The following GRIK4 variants were observed in gnomAD, a reference collection of about 807,000 sequenced individuals.
GRIK4 encodes glutamate ionotropic receptor kainate type subunit 4.
GRIK4 carries 40 observed loss-of-function variants against 104.9 expected under a neutral mutation model. That is an observed-to-expected ratio of 0.38 (90% CI 0.30 to 0.50). The LOEUF (loss-of-function observed/expected upper bound fraction) is 0.50. Ranked by LOEUF, GRIK4 falls within the 20% of genes least tolerant of loss-of-function variation. The probability of loss-of-function intolerance (pLI) is 0.93; values close to 1 mark genes in which losing one functional copy is unlikely to be tolerated. For missense variants in GRIK4, 1,047 were observed against 1,308.1 expected, an observed-to-expected ratio of 0.80 and a Z score of 3.08; for synonymous variants, 485 against 524.9, an observed-to-expected ratio of 0.92 and a Z score of 1.04.
At chr11:120,866,688 G>T (rs180778537) in intron 9 of GRIK4, among the ~76,000 whole-genome samples, 113 of 152,300 alleles carry the variant, frequency 7.4e-4, no homozygotes, top group Non-Finnish European at 4.0e-4. Flanking sequence ...CTGTCTCAGG[G>T]AACCATGCGA....
intron 13 of GRIK4, among the ~76,000 whole-genome samples, chr11:120,915,835 G>A (rs1435219253): frequency 6.6e-6 from 1 of 152,198 alleles, no homozygotes; most frequent in Middle Eastern, 3.2e-3. Flanking sequence ...CATGAGACAG[G>A]AATTATTACT....
intron 1 of GRIK4, among the ~76,000 whole-genome samples, chr11:120,635,797 A>G (rs571020128): frequency 6.6e-6 from 1 of 152,332 alleles, no homozygotes; most frequent in East Asian, 1.9e-4. Flanking sequence ...AAACATTTTC[A>G]CAAAATTATA....
intron 3 of GRIK4, among the ~76,000 whole-genome samples, chr11:120,729,758 T>A (rs533817001): frequency 1.3e-5 from 2 of 152,314 alleles, no homozygotes; most frequent in East Asian, 3.9e-4. Flanking sequence ...AGAAGTTTTT[T>A]AATTTGATGT....
intron 16 of GRIK4, among the ~76,000 whole-genome samples, chr11:120,959,383 A>G (rs1413514730): frequency 6.6e-6 from 1 of 152,208 alleles, no homozygotes; most frequent in Non-Finnish European, 1.5e-5. Context: ...CACAATGGCA[A>G]AAGGGGCAAT....
chr11:120,801,905 G>A (rs796577159), intron 3 of GRIK4, among the ~76,000 whole-genome samples: 8 of 152,290 alleles, frequency 5.3e-5, no homozygotes, highest in African/African-American at 1.9e-4. Flanking sequence ...AGCTGTGGAG[G>A]GCTGCAGCTG....
intron 1 of GRIK4, among the ~76,000 whole-genome samples, chr11:120,561,539 C>T (rs983005983): frequency 1.3e-5 from 2 of 152,226 alleles, no homozygotes; most frequent in East Asian, 1.9e-4. Flanking sequence ...CCCCAGAGTT[C>T]CCTGCAGGCA....
Position 120,733,611 on chromosome 11 carries a change from A to G in GRIK4, c.83-69082A>G, listed in dbSNP as rs1246113547. 2.7e-5 allele frequency among the ~76,000 whole-genome samples: 4 copies of G among 148,368 alleles called. No homozygotes were observed. In the East Asian group the frequency reaches 7.9e-4, roughly 29 times the overall value. ...ACAAGCAAGAAGAAAACTAACAAAA[A>G]CTCTACATGTTAACTTTGACCCCCT... On this transcript the variant is annotated intron_variant, in intron 3 of 20. Transcript: ENST00000527524.
intron 3 of GRIK4, among the ~76,000 whole-genome samples, chr11:120,766,228 T>G (rs1485838306): frequency 6.6e-6 from 1 of 152,158 alleles, no homozygotes; most frequent in Non-Finnish European, 1.5e-5. Context: ...CAGTCCAAAT[T>G]TCCCAGCGGC....
chr11:120,651,143 A>T (rs746084253), intron 1 of GRIK4, among the ~76,000 whole-genome samples: 1 of 152,136 alleles, frequency 6.6e-6, no homozygotes, highest in Non-Finnish European at 1.5e-5. Context: ...AGGCCATCCT[A>T]TTGGGGAAAG....
intron 13 of GRIK4, among the ~76,000 whole-genome samples, chr11:120,918,744 A>C (rs1943165427): frequency 6.6e-6 from 1 of 152,204 alleles, no homozygotes; most frequent in South Asian, 2.1e-4. Context: ...CATGTGATAT[A>C]TACAAAAGGG....
intron 1 of GRIK4, among the ~76,000 whole-genome samples, chr11:120,512,421 A>C (rs1591665807): frequency 1.6e-5 from 2 of 121,598 alleles, no homozygotes; most frequent in Non-Finnish European, 3.5e-5. Context: ...CCCTTTCCTC[A>C]CTGCCATCTG....
At chr11:120,539,122 C>T (rs1232183573) in intron 1 of GRIK4, among the ~76,000 whole-genome samples, 1 of 152,174 alleles carries the variant, frequency 6.6e-6, no homozygotes, top group Non-Finnish European at 1.5e-5. Flanking sequence ...GCACAGGGAA[C>T]ACTCTATTAG....
At chr11:120,973,202 C>T (rs929395937) in intron 19 of GRIK4, among the ~76,000 whole-genome samples, 11 of 152,108 alleles carry the variant, frequency 7.2e-5, no homozygotes, top group Non-Finnish European at 1.3e-4. Context: ...AGTTGTTGGC[C>T]TTGGAAACAG....
At chr11:120,862,495 A>G (rs1380566463) in intron 9 of GRIK4, among the ~76,000 whole-genome samples, 1 of 152,320 alleles carries the variant, frequency 6.6e-6, no homozygotes, top group East Asian at 1.9e-4. Context: ...ACTAAAGCCC[A>G]GACTGGAATG....
intron 8 of GRIK4, among the ~76,000 whole-genome samples, chr11:120,859,780 A>G (rs1954212518): frequency 6.6e-6 from 1 of 152,264 alleles, no homozygotes. Context: ...GTAGGAATCA[A>G]TACATTCTCT....
chr11:120,815,940 A>G (rs556929500), intron 5 of GRIK4, among the ~76,000 whole-genome samples: 1 of 152,280 alleles, frequency 6.6e-6, no homozygotes, highest in Non-Finnish European at 1.5e-5. Context: ...AAAGTTTGAA[A>G]GCCTCTGTCA....
rs1298178644 is a variant in GRIK4 at position 120,875,346 on chromosome 11, AGCAGCAG to A, written c.1164+106_1164+112del. 3.3e-5 allele frequency: 25 copies of A among 757,600 alleles called. No individual in the cohort carries two copies. The African/African-American group carries it at 3.7e-4, about 11-fold the overall frequency. 46.9% of individuals were successfully genotyped at this position (757,600 alleles called of 1,614,324 possible). The stretch of plus-strand genomic sequence containing the variant: ...CCTCCTGCTCCCAGTTATCCCCAAC[AGCAGCAG>A]GCTGGATCCTGGGCAAGGCTCCTGA... On this transcript the variant is annotated intron_variant, in intron 11 of 20. Transcript: ENST00000527524.
chr11:120,819,470 C>CT lies in GRIK4; in HGVS notation c.346-284dup, dbSNP rs1252028916. 1.3e-5 allele frequency among the ~76,000 whole-genome samples: 2 copies of CT among 152,254 alleles called. No individual in the cohort carries two copies. The highest frequency in any genetic ancestry group is 2.9e-5 in the Non-Finnish European group (2 of 68,048). On this transcript the variant is annotated intron_variant, in intron 5 of 20. Coordinates refer to ENST00000527524, the MANE Select transcript of GRIK4 (RefSeq NM_014619.5). This position sits in a 1 kb window ranked among gnomAD's most constrained non-coding sequence, Gnocchi z 4.3. ...GAATAAAGATAGATTCTTTTGCCTT[C>CT]TCAGGACCACAGACCCCAGCTTGCA...
At chr11:120,517,889 A>G (rs1240911311) in intron 1 of GRIK4, among the ~76,000 whole-genome samples, 3 of 152,172 alleles carry the variant, frequency 2.0e-5, no homozygotes, top group Non-Finnish European at 4.4e-5. Context: ...GGAGGATTTA[A>G]TAGAATGAGA....
Sources: allele counts gnomAD v4.1 joint callset (sites outside exome capture counted in the v4.1 genomes callset), GRCh38; gene constraint gnomAD v4.1.1; non-coding constraint Gnocchi (gnomAD v3.1); transcripts MANE v1.5; gene names NCBI Gene and HGNC (gene_info 2026-07-23, HGNC 2026-07-21).